The following CFAP92 variants were observed in gnomAD, a reference collection of about 807,000 sequenced individuals.
CFAP92 encodes the protein cilia and flagella associated protein 92 (putative).
In CFAP92, 86 loss-of-function variants were observed where a neutral mutation model predicts 106.3. That is an observed-to-expected ratio of 0.81 (90% CI 0.68 to 0.97). The LOEUF (loss-of-function observed/expected upper bound fraction) is 0.97, where lower values mean the gene tolerates loss of function less well. CFAP92 is among the 50% of genes least tolerant of loss of function. CFAP92 has a pLI of 0.00. For missense variants in CFAP92, 1,204 were observed against 1,283.8 expected (o/e 0.94, Z 0.95); for synonymous variants, 477 against 506.4 (o/e 0.94, Z 0.78).
chr3:128,975,707 G>T, intron 7 of CFAP92, 72 bp downstream of exon 7: 1 of 1,249,408 alleles, frequency 8.0e-7, no homozygotes, highest in South Asian at 1.5e-5. Context: ...GAAGTATCCT[G>T]AATTTAAAAT....
chr3:129,003,817 G>A, upstream of CFAP92: 1 of 1,465,894 alleles, frequency 6.8e-7, no homozygotes, highest in Non-Finnish European at 9.0e-7. Context: ...AGAGCCAGGC[G>A]AGCACCCACG....
rs1285733524 is a variant in CFAP92, at chr3:128,971,349, A to T, written c.1106T>A (p.Leu369Gln). The change falls in exon 8 of 16, where the codon CTG becomes CAG. Residue 369 changes from leucine to glutamine, a missense_variant. Physicochemically the swap from Leu to Gln is moderately radical, Grantham distance 113. Transcript: ENST00000645291. ...PLAEEEADPT[L>Q]TGPRKQSAFS... ...AGCGCTCTGCTTCCTGGGGCCTGTC[A>T]GCGTGGGGTCTGCCTCTTCTTCTGC... The T allele has an allele frequency of 6.2e-7, 1 of 1,613,650 alleles. No homozygotes were observed. Among genetic ancestry groups the T allele is most frequent in the South Asian group, 1.1e-5 (1 of 90,982 alleles).
upstream of CFAP92, chr3:129,004,109 TC>T: frequency 6.8e-7 from 1 of 1,461,310 alleles, no homozygotes; most frequent in East Asian, 2.8e-5. Context: ...GGGCCCAAGT[TC>T]CCCAATTCGG....
At chr3:128,951,508 T>TA (rs943177663) in intron 9 of CFAP92, among the ~76,000 whole-genome samples, 72 of 148,184 alleles carry the variant, frequency 4.9e-4, no homozygotes, top group Middle Eastern at 3.4e-3. Context: ...GTTGTATATA[T>TA]AAAAAAAAAA....
intron 1 of CFAP92, among the ~76,000 whole-genome samples, chr3:128,999,823 G>A (rs902356976): frequency 5.3e-5 from 8 of 152,094 alleles, no homozygotes; most frequent in African/African-American, 1.7e-4. Context: ...GATTACAGGC[G>A]TGAGCCACCG....
At chr3:128,931,472 C>CATATATATGTATGTATATAT (rs60585171) in intron 12 of CFAP92, among the ~76,000 whole-genome samples, 6,791 of 147,524 alleles carry the variant, frequency 0.046, 339 homozygotes, top group African/African-American at 0.11. Context: ...TATACACATA[C>CATATATATGTATGTATATAT]ATGTATATAT....
intron 1 of CFAP92, chr3:129,001,626 G>T: frequency 7.4e-7 from 1 of 1,357,936 alleles, no homozygotes; most frequent in East Asian, 3.0e-5. Flanking sequence ...GCGCGGCGCA[G>T]CGATGGAGCC....
intron 9 of CFAP92, among the ~76,000 whole-genome samples, chr3:128,946,538 G>C (rs1940236746): frequency 6.6e-6 from 1 of 152,196 alleles, no homozygotes; most frequent in Admixed American, 6.5e-5. Context: ...ACATTTGCAT[G>C]GTTTGACCTT....
At chr3:128,932,156 A>C (rs62265291) in intron 12 of CFAP92, among the ~76,000 whole-genome samples, 7,272 of 152,122 alleles carry the variant, frequency 0.048, 355 homozygotes, top group African/African-American at 0.12. Flanking sequence ...CAGGCACACA[A>C]CTCCAAGTCA....
rs1406703205 is a variant in CFAP92 at position 128,945,648 on chromosome 3, A to G, written c.1681T>C (p.Tyr561His). 2 of 1,536,140 alleles carry G rather than the reference A, an allele frequency of 1.3e-6. No individual in the cohort carries two copies. Among genetic ancestry groups the G allele is most frequent in the Non-Finnish European group, 1.7e-6 (2 of 1,146,922 alleles). ...CTGACCTGGGCGATGCCATAAGGGT[A>G]CCACATCTTGTTCTGGGACTCAAAG... is the stretch of plus-strand genomic sequence containing the variant. ...NPFESQNKMW[Y>H]PYGIAQVSFA... Residue 561 changes from tyrosine (Y) to histidine (H), a missense_variant, in exon 10 of 16, where the codon TAC (tyrosine) becomes CAC (histidine). Physicochemically the swap from Tyr to His is moderately conservative, Grantham distance 83 (BLOSUM62 2). Transcript: ENST00000645291.
At chr3:129,002,214 G>A (rs1386017754) in intron 1 of CFAP92, 1 of 1,527,468 alleles carries the variant, frequency 6.5e-7, no homozygotes, top group African/African-American at 1.4e-5. Flanking sequence ...CAGCGGTCCT[G>A]ACTGTGAGCG....
chr3:129,022,994 C>T, the CFAP92 span, among the ~76,000 whole-genome samples: 1 of 152,212 alleles, frequency 6.6e-6, no homozygotes, highest in Non-Finnish European at 1.5e-5. Context: ...GGACAGAGAA[C>T]AGCCTCGGGT....
chr3:128,991,763 G>A (rs1419251816), intron 2 of CFAP92: 3 of 1,004,752 alleles, frequency 3.0e-6, no homozygotes, highest in East Asian at 1.1e-4. Context: ...CGCTCTCGGG[G>A]TTCCAACCCA....
upstream of CFAP92, among the ~76,000 whole-genome samples, chr3:128,994,696 G>C (rs773859750): frequency 6.6e-6 from 1 of 152,196 alleles, no homozygotes; most frequent in Non-Finnish European, 1.5e-5. Flanking sequence ...AATCCGGACT[G>C]CCTGACTCCA....
chr3:128,978,071 G>A lies in CFAP92; in HGVS notation c.782C>T (p.Thr261Ile). The part of the protein sequence containing the change: ...QEHPPGKQEK[T>I]EKHPKSLQGS... ...TTGCAAAGACTTTGGGTGTTTTTCT[G>A]TTTTTTCTTGTTTTCCTGGCGGATG... is the stretch of plus-strand genomic sequence containing the variant. Residue 261 changes from threonine to isoleucine, a missense_variant, in exon 5 of 16, where the codon ACA becomes ATA. Physicochemically the swap from Thr to Ile is moderately conservative, Grantham distance 89. Transcript: ENST00000645291. 6.2e-7 allele frequency: 1 copy of A among 1,613,916 alleles called. No individual in the cohort carries two copies. The highest frequency in any genetic ancestry group is 8.5e-7 in the Non-Finnish European group (1 of 1,179,870).
intron 8 of CFAP92, chr3:128,969,777 G>C (rs766368022): frequency 6.6e-6 from 1 of 152,238 alleles, no homozygotes; most frequent in African/African-American, 2.4e-5. Flanking sequence ...AAAGGCGTTC[G>C]CTCAAAGCTA....
At chr3:128,953,049 T>C (rs1030837745) in intron 9 of CFAP92, among the ~76,000 whole-genome samples, 3 of 152,030 alleles carry the variant, frequency 2.0e-5, no homozygotes, top group Non-Finnish European at 4.4e-5. Context: ...ACCATTGCAC[T>C]GGGCGACAGA....
intron 12 of CFAP92, among the ~76,000 whole-genome samples, chr3:128,931,918 C>T (rs755746595): frequency 9.2e-5 from 14 of 151,880 alleles, no homozygotes; most frequent in Non-Finnish European, 1.5e-4. Flanking sequence ...CTCAGGAGGC[C>T]GAGGTGGGAG....
chr3:128,988,950 T>TA lies in CFAP92; in HGVS notation c.263-33dup, dbSNP rs765844557. On this transcript the variant is annotated intron_variant, in intron 2 of 15. Coordinates refer to ENST00000645291, the MANE Select transcript of CFAP92 (RefSeq NM_001394090.1). ...GATACAGATTGAAAAAGTCTCGTTT[T>TA]AACCTCATGTGGAAAAGCAGACCCG... 8 of 1,555,266 alleles carry TA rather than the reference T, an allele frequency of 5.1e-6. No homozygotes were observed. In the South Asian group the frequency reaches 9.1e-5, roughly 18 times the overall value.
Sources: gnomAD v4.1 joint callset for allele counts (sites outside exome capture counted in the v4.1 genomes callset) on GRCh38, gnomAD v4.1.1 for gene constraint, MANE v1.5 for transcripts, NCBI Gene and HGNC (gene_info 2026-07-23, HGNC 2026-07-21) for gene names.